Variants in ANKHD1 observed in about 807,000 individuals in gnomAD.
ANKHD1 encodes ankyrin repeat and KH domain containing 1, also known as ankyrin repeat and KH domain-containing protein 1.
In ANKHD1, 31 loss-of-function variants were observed where a neutral mutation model predicts 230.5. The ratio of observed to expected loss-of-function variants is 0.13; its 90% CI spans 0.10 to 0.18. The LOEUF (loss-of-function observed/expected upper bound fraction) is 0.18. Among genes scored for constraint, ANKHD1 ranks in the 10% least tolerant of loss-of-function variants. ANKHD1 has a pLI of 1.00. For missense variants in ANKHD1, 2,256 were observed against 3,071.3 expected (o/e 0.73, Z 6.27); for synonymous variants, 1,074 against 1,117.6 (o/e 0.96, Z 0.78).
intron 11 of ANKHD1, among the ~76,000 whole-genome samples, chr5:140,484,135 G>A (rs1022546255): frequency 1.3e-5 from 2 of 152,166 alleles, no homozygotes; most frequent in African/African-American, 4.8e-5. Flanking sequence ...TTTTATGCAA[G>A]TTAGGATTAG....
chr5:140,415,720 C>T (rs1771316722), intron 1 of ANKHD1, among the ~76,000 whole-genome samples: 1 of 151,792 alleles, frequency 6.6e-6, no homozygotes, highest in African/African-American at 2.4e-5. Flanking sequence ...TTACAGGCCT[C>T]AGCCACCGCA....
At chr5:140,456,775 A>G (rs1474867102) in intron 7 of ANKHD1, among the ~76,000 whole-genome samples, 1 of 152,232 alleles carries the variant, frequency 6.6e-6, no homozygotes, top group Non-Finnish European at 1.5e-5. Context: ...CCTAGGCAAT[A>G]CCATTCAGGA....
At position 140,528,774 on chromosome 5, in the gene ANKHD1, C is replaced by A; in HGVS notation, c.5828C>A (p.Ala1943Asp). Residue 1943 changes from alanine (A) to aspartate (D), a missense_variant, in exon 29 of 34, where the codon GCC (alanine) becomes GAC (aspartate). By Grantham distance (126) the Ala-to-Asp change is moderately radical (BLOSUM62 -2). This residue lies in a region of ANKHD1 where 778 missense variants were observed against 966.5 expected (regional missense o/e 0.80). Transcript: ENST00000360839. ...CPITVSSVVA[A>D]SQQLCVTNTR... ...ATCACTGTCTCTTCTGTAGTTGCTG[C>A]CAGTCAGCAACTGTGTGTCACTAAT... The A allele has an allele frequency of 6.2e-7, 1 of 1,614,142 alleles. No homozygotes were observed. The highest frequency in any genetic ancestry group is 1.1e-5 in the South Asian group (1 of 91,084).
chr5:140,412,974 G>A (rs1771061021), intron 1 of ANKHD1, among the ~76,000 whole-genome samples: 1 of 152,164 alleles, frequency 6.6e-6, no homozygotes, highest in African/African-American at 2.4e-5. Flanking sequence ...TTACTGAATA[G>A]ATACTGTTTT....
chr5:140,416,850 A>G (rs74892361), intron 1 of ANKHD1, among the ~76,000 whole-genome samples: 144 of 150,504 alleles, frequency 9.6e-4, no homozygotes, highest in Non-Finnish European at 1.6e-3. Flanking sequence ...TAATTTTAGG[A>G]TGGGTTTTTT....
intron 1 of ANKHD1, among the ~76,000 whole-genome samples, chr5:140,427,456 TG>T (rs1772575695): frequency 8.5e-6 from 1 of 117,426 alleles, no homozygotes; most frequent in Admixed American, 8.3e-5. Context: ...ACGGGGCGGC[TG>T]GCCGGGCAGA....
chr5:140,490,425 G>C (rs917186194), intron 14 of ANKHD1, among the ~76,000 whole-genome samples: 2 of 152,022 alleles, frequency 1.3e-5, no homozygotes, highest in African/African-American at 4.8e-5. Flanking sequence ...CGTCCATCTT[G>C]ATTCATAACC....
intron 6 of ANKHD1, among the ~76,000 whole-genome samples, chr5:140,447,728 TCCACAA>T (rs917853577): frequency 6.6e-6 from 1 of 152,158 alleles, no homozygotes; most frequent in Non-Finnish European, 1.5e-5. Context: ...GTGGTTTGTA[TCCACAA>T]GGTTACAATA....
intron 10 of ANKHD1, among the ~76,000 whole-genome samples, chr5:140,470,336 AT>A (rs1776398213): frequency 6.6e-6 from 1 of 151,116 alleles, no homozygotes; most frequent in African/African-American, 2.4e-5. Flanking sequence ...ATAGTATTTA[AT>A]TTTTAAAATT....
At chr5:140,537,984 A>C in intron 31 of ANKHD1, 102 bp from the exon 32 acceptor site, 3 of 1,471,902 alleles carry the variant, frequency 2.0e-6, no homozygotes, top group Non-Finnish European at 9.0e-7. Context: ...CTTCAGAGGA[A>C]AGATTTCAGT....
chr5:140,522,725 T>C (rs1292977733), intron 24 of ANKHD1, among the ~76,000 whole-genome samples: 2 of 152,190 alleles, frequency 1.3e-5, no homozygotes, highest in Non-Finnish European at 2.9e-5. Flanking sequence ...TGTTTAACTA[T>C]TTGAAGGATT....
At position 140,538,969 on chromosome 5, in the gene ANKHD1, G is replaced by A. The variant is rs754891249; in HGVS notation, c.7455G>A (p.Gln2485=). 3 of 1,610,522 alleles carry A rather than the reference G, an allele frequency of 1.9e-6. No individual in the cohort carries two copies. Among genetic ancestry groups the A allele is most frequent in the Non-Finnish European group, 2.5e-6 (3 of 1,178,324 alleles). Residue 2485 remains glutamine (Q), a synonymous_variant, in exon 33 of 34, where the codon CAG becomes CAA. Coordinates refer to ENST00000360839, the MANE Select transcript of ANKHD1 (RefSeq NM_017747.3). ...GCACCATAATACCCTCTCATCCTCAGCTTGCTGATGTTCCAGGAGGCCCTC... is the reference window on the plus strand; with the variant it reads ...GCACCATAATACCCTCTCATCCTCAACTTGCTGATGTTCCAGGAGGCCCTC... ...YGGTIIPSHP[Q]LADVPGGPLF...
intron 1 of ANKHD1, among the ~76,000 whole-genome samples, chr5:140,435,298 G>T (rs925781924): frequency 2.0e-5 from 3 of 151,002 alleles, no homozygotes; most frequent in South Asian, 4.2e-4. Flanking sequence ...TGTTGTTGTT[G>T]TTGTTGTTTG....
intron 1 of ANKHD1, among the ~76,000 whole-genome samples, chr5:140,402,846 T>C (rs1361665177): frequency 6.6e-6 from 1 of 152,110 alleles, no homozygotes; most frequent in Non-Finnish European, 1.5e-5. Context: ...CTGGGACCTT[T>C]TGTGAAGTTA....
chr5:140,482,709 T>C (rs757597180), intron 11 of ANKHD1, 42 bp downstream of exon 11: 4 of 1,592,816 alleles, frequency 2.5e-6, no homozygotes, highest in South Asian at 2.3e-5. Context: ...GGCTACAGTT[T>C]ATGGAAAAAA....
At chr5:140,427,379 C>G (rs1311273425) in intron 1 of ANKHD1, among the ~76,000 whole-genome samples, 1 of 60,394 alleles carries the variant, frequency 1.7e-5, no homozygotes, top group African/African-American at 6.7e-5. Context: ...GGGCTGACCC[C>G]CCCCCACCTC....
intron 22 of ANKHD1, 128 bp downstream of exon 22, chr5:140,510,309 C>CTTTTTTTTTTT (rs34693244): frequency 2.0e-6 from 1 of 500,746 alleles, no homozygotes; most frequent in Non-Finnish European, 2.7e-6. Context: ...TCTTTCCATT[C>CTTTTTTTTTTT]TTTTTTTTTT....
chr5:140,536,109 T>G (rs1754058462), intron 30 of ANKHD1, among the ~76,000 whole-genome samples: 1 of 151,980 alleles, frequency 6.6e-6, no homozygotes, highest in African/African-American at 2.4e-5. Context: ...ATTGATTGAT[T>G]GAGATAGAGT....
chr5:140,409,714 G>A (rs1363117978), intron 1 of ANKHD1, among the ~76,000 whole-genome samples: 6 of 151,776 alleles, frequency 4.0e-5, no homozygotes, highest in African/African-American at 9.7e-5. Flanking sequence ...CACCACGCTC[G>A]GCTAATTTTT....
Sources: allele counts gnomAD v4.1 joint callset (sites outside exome capture counted in the v4.1 genomes callset), GRCh38; gene constraint gnomAD v4.1.1; regional missense constraint gnomAD v4.1.1; transcripts MANE v1.5; gene names NCBI Gene and HGNC (gene_info 2026-07-23, HGNC 2026-07-21).